MAGI3: variants seen among roughly 807,000 people sequenced by gnomAD.
MAGI3 encodes membrane associated guanylate kinase, WW and PDZ domain containing 3.
Under a neutral mutation model 121.8 loss-of-function variants are expected in MAGI3, and 43 were observed. The observed-to-expected ratio is 0.35, with a 90% CI of 0.28 to 0.46. The LOEUF is 0.46. Ranked by LOEUF, MAGI3 falls within the 20% of genes least tolerant of loss-of-function variation. The pLI is 1.00. For missense variants in MAGI3, 1,547 were observed against 1,797.3 expected (o/e 0.86, Z 2.52); for synonymous variants, 553 against 639.3 (o/e 0.86, Z 2.04).
At chr1:113,503,217 ATT>A (rs1657112411) in intron 1 of MAGI3, among the ~76,000 whole-genome samples, 1 of 41,934 alleles carries the variant, frequency 2.4e-5, no homozygotes, top group African/African-American at 9.2e-5. Flanking sequence ...TTAGAGTATA[ATT>A]AAAAAAAAAA....
rs553186435 is a variant in MAGI3 at position 113,608,649 on chromosome 1, C to CAA, written c.1019-5951_1019-5950dup. On this transcript the variant is annotated intron_variant, in intron 6 of 20. Transcript: ENST00000307546. Reference sequence around the variant, plus strand: ...TGAGAGAACTCAAGAGTCCCTGAGCCAAGCATATTGAGTTCATTGTGTAAA... The same window carrying CAA: ...TGAGAGAACTCAAGAGTCCCTGAGCCAAAAGCATATTGAGTTCATTGTGTAAA... Among the ~76,000 whole-genome samples the CAA allele has an allele frequency of 2.6e-5, 4 of 152,270 alleles. No individual in the cohort carries two copies. The South Asian group carries it at 8.3e-4, about 32-fold the overall frequency.
intron 2 of MAGI3, among the ~76,000 whole-genome samples, chr1:113,579,713 G>A (rs1647886666): frequency 6.6e-6 from 1 of 152,138 alleles, no homozygotes; most frequent in South Asian, 2.1e-4. Context: ...ATGAAAAGAA[G>A]TATTTAGAAA....
At chr1:113,425,283 T>A (rs1652945419) in intron 1 of MAGI3, among the ~76,000 whole-genome samples, 1 of 126,716 alleles carries the variant, frequency 7.9e-6, no homozygotes, top group Admixed American at 7.6e-5. Context: ...ATTTTTTTTT[T>A]TTTTTTTTTT....
At chr1:113,517,825 G>A (rs185131895) in intron 1 of MAGI3, among the ~76,000 whole-genome samples, 8 of 151,828 alleles carry the variant, frequency 5.3e-5, no homozygotes, top group Admixed American at 4.6e-4. Flanking sequence ...TGCATTCTCT[G>A]TCTTGTTCCA....
intron 1 of MAGI3, among the ~76,000 whole-genome samples, chr1:113,530,515 G>A (rs528317972): frequency 6.6e-6 from 1 of 151,904 alleles, no homozygotes; most frequent in South Asian, 2.1e-4. Flanking sequence ...TATTACCTGG[G>A]TGACCAAATA....
rs368259258 is a variant in MAGI3 at position 113,549,553 on chromosome 1, C to T, written c.355C>T (p.Leu119Phe). Residue 119 changes from leucine (L) to phenylalanine (F), a missense_variant, in exon 2 of 21, where the codon CTT becomes TTT. By Grantham distance (22) the Leu-to-Phe change is conservative (BLOSUM62 0). Coordinates refer to ENST00000307546, the MANE Select transcript of MAGI3 (RefSeq NM_001142782.2). ...TAAAGATTTGCGGCATTACCTAAGT[C>T]TTCAGTTTCAAAAAGGATCAATTGA... ...INKDLRHYLS[L>F]QFQKGSIDHK... The T allele has an allele frequency of 5.0e-6, 8 of 1,607,054 alleles. No individual in the cohort carries two copies. The highest frequency in any genetic ancestry group is 6.8e-6 in the Non-Finnish European group (8 of 1,176,728).
chr1:113,538,380 G>A (rs10858001), intron 1 of MAGI3, among the ~76,000 whole-genome samples: 1 of 152,068 alleles, frequency 6.6e-6, no homozygotes, highest in East Asian at 1.9e-4. Flanking sequence ...GGTTTTGTAC[G>A]CTCCTGTCAA....
intron 6 of MAGI3, among the ~76,000 whole-genome samples, chr1:113,611,299 G>A (rs547311746): frequency 6.6e-6 from 1 of 151,984 alleles, no homozygotes; most frequent in South Asian, 2.1e-4. Flanking sequence ...TGTTGCTCAG[G>A]CTGGTCTTGA....
chr1:113,457,916 G>A (rs964192508), intron 1 of MAGI3, among the ~76,000 whole-genome samples: 2 of 152,112 alleles, frequency 1.3e-5, no homozygotes, highest in African/African-American at 2.4e-5. Flanking sequence ...CCAGCATAAA[G>A]AACTATGTGG....
At chr1:113,480,968 C>T (rs1386037988) in intron 1 of MAGI3, among the ~76,000 whole-genome samples, 1 of 152,170 alleles carries the variant, frequency 6.6e-6, no homozygotes, top group Non-Finnish European at 1.5e-5. Context: ...CCACAAAAGC[C>T]AGAAGAAGGG....
chr1:113,675,779 A>G (rs1184831092), intron 19 of MAGI3, among the ~76,000 whole-genome samples: 1 of 152,236 alleles, frequency 6.6e-6, no homozygotes, highest in Non-Finnish European at 1.5e-5. Flanking sequence ...GCCTTAATAC[A>G]GCTCGTCAAG....
At chr1:113,438,132 G>GGGTGACAAGGTTGTTGCTAT (rs1553185203) in intron 1 of MAGI3, among the ~76,000 whole-genome samples, 1 of 151,664 alleles carries the variant, frequency 6.6e-6, no homozygotes, top group African/African-American at 2.4e-5. Flanking sequence ...TTTGAGGCTG[G>GGGTGACAAGGTTGTTGCTAT]GGTGACAAGG....
At chr1:113,478,146 T>A (rs572574307) in intron 1 of MAGI3, among the ~76,000 whole-genome samples, 2 of 152,270 alleles carry the variant, frequency 1.3e-5, no homozygotes, top group East Asian at 3.9e-4. Flanking sequence ...TTTTCAAGGT[T>A]TTTAGCTTCC....
chr1:113,429,248 GACA>G (rs2101413468), intron 1 of MAGI3, among the ~76,000 whole-genome samples: 1 of 152,290 alleles, frequency 6.6e-6, no homozygotes, highest in South Asian at 2.1e-4. Flanking sequence ...CTGCATACGT[GACA>G]ACAAGAAATC....
chr1:113,537,529 G>A (rs1032521537), intron 1 of MAGI3, among the ~76,000 whole-genome samples: 14 of 152,146 alleles, frequency 9.2e-5, no homozygotes, highest in Admixed American at 5.2e-4. Flanking sequence ...CAGTCCTGCC[G>A]TGCTTTCTGA....
At chr1:113,598,790 C>G (rs1015835610) in intron 6 of MAGI3, among the ~76,000 whole-genome samples, 16 of 152,104 alleles carry the variant, frequency 1.1e-4, no homozygotes, top group African/African-American at 3.4e-4. Flanking sequence ...TCAGCAAACA[C>G]TGGACTTAAA....
intron 1 of MAGI3, among the ~76,000 whole-genome samples, chr1:113,392,783 A>G (rs757766026): frequency 6.6e-6 from 1 of 152,154 alleles, no homozygotes; most frequent in African/African-American, 2.4e-5. Flanking sequence ...TCTTAACTCT[A>G]ACTTTTACAG....
At chr1:113,460,986 C>A (rs1655005007) in intron 1 of MAGI3, among the ~76,000 whole-genome samples, 1 of 151,992 alleles carries the variant, frequency 6.6e-6, no homozygotes, top group African/African-American at 2.4e-5. Context: ...TTCCCAGTTG[C>A]CACAAAAAGA....
chr1:113,466,485 G>GTAA (rs1655292104), intron 1 of MAGI3, among the ~76,000 whole-genome samples: 1 of 152,020 alleles, frequency 6.6e-6, no homozygotes, highest in Non-Finnish European at 1.5e-5. Flanking sequence ...TGGTATCAGG[G>GTAA]TAATGCTGGC....
Sources: gnomAD v4.1 joint callset for allele counts (sites outside exome capture counted in the v4.1 genomes callset) on GRCh38, gnomAD v4.1.1 for gene constraint, MANE v1.5 for transcripts, NCBI Gene and HGNC (gene_info 2026-07-23, HGNC 2026-07-21) for gene names.